The following ADCY8 variants were observed in gnomAD, a reference collection of about 807,000 sequenced individuals.
ADCY8 encodes the protein adenylate cyclase 8, also known as adenylate cyclase type 8.
In ADCY8, 51 loss-of-function variants were observed where a neutral mutation model predicts 119.7. The observed-to-expected ratio is 0.43, with a 90% CI of 0.34 to 0.54. The LOEUF (loss-of-function observed/expected upper bound fraction) is 0.54, where lower values mean the gene tolerates loss of function less well. ADCY8 is among the 20% of genes least tolerant of loss of function. The pLI is 0.03. For synonymous variants in ADCY8, 665 were observed against 651.0 expected (o/e 1.02, Z -0.33); for missense variants, 1,383 against 1,598.8 (o/e 0.87, Z 2.30).
intron 9 of ADCY8, among the ~76,000 whole-genome samples, chr8:130,859,580 A>G (rs1817859767): frequency 6.6e-6 from 1 of 152,200 alleles, no homozygotes; most frequent in South Asian, 2.1e-4. Context: ...GTTGCTTCAT[A>G]CACTTTTAAT....
chr8:130,828,325 C>A (rs1192754381), intron 12 of ADCY8, among the ~76,000 whole-genome samples: 1 of 152,188 alleles, frequency 6.6e-6, no homozygotes, highest in East Asian at 1.9e-4. Context: ...TTTTGAGGAA[C>A]AGAGGGTCCC....
chr8:131,007,298 G>A (rs1244571371), intron 1 of ADCY8, among the ~76,000 whole-genome samples: 2 of 152,148 alleles, frequency 1.3e-5, no homozygotes, highest in Non-Finnish European at 2.9e-5. Flanking sequence ...CAGACTCCCA[G>A]CACCATTTCC....
At chr8:131,000,745 C>T (rs1822918051) in intron 1 of ADCY8, among the ~76,000 whole-genome samples, 1 of 152,068 alleles carries the variant, frequency 6.6e-6, no homozygotes, top group Non-Finnish European at 1.5e-5. Flanking sequence ...CAGTTCACCC[C>T]ATCAACAAAT....
In ADCY8 at chr8:130,922,399, G is replaced by A. The variant is rs532603302; in HGVS notation, c.1482-12533C>T. On this transcript the variant is annotated intron_variant, in intron 5 of 17. Transcript: ENST00000286355. The stretch of plus-strand genomic sequence containing the variant: ...GTCCCTGGGTACTTGAGATTAGGGA[G>A]TGGTGATGACTCTTAACGAGCATGC... 3.8e-3 allele frequency among the ~76,000 whole-genome samples: 571 copies of A among 151,758 alleles called. 2 individuals carry two copies. Among genetic ancestry groups the A allele is most frequent in the Non-Finnish European group, 5.6e-3 (382 of 67,906 alleles).
At chr8:130,932,872 T>C (rs1347171481) in intron 5 of ADCY8, among the ~76,000 whole-genome samples, 1 of 152,206 alleles carries the variant, frequency 6.6e-6, no homozygotes, top group Non-Finnish European at 1.5e-5. Flanking sequence ...TTCTATCACA[T>C]GTTTGGAATG....
chr8:130,810,054 T>C (rs1013908457), intron 14 of ADCY8, among the ~76,000 whole-genome samples: 3 of 152,114 alleles, frequency 2.0e-5, no homozygotes, highest in Non-Finnish European at 4.4e-5. Context: ...CAGCTGAAGA[T>C]CAGCCATGAA....
chr8:130,885,892 G>C (rs981312599), intron 7 of ADCY8, among the ~76,000 whole-genome samples: 1 of 152,054 alleles, frequency 6.6e-6, no homozygotes, highest in Non-Finnish European at 1.5e-5. Context: ...ATAAGATTAT[G>C]GAGTCATCAA....
intron 1 of ADCY8, among the ~76,000 whole-genome samples, chr8:131,011,809 G>C (rs1019720463): frequency 7.9e-5 from 12 of 152,142 alleles, no homozygotes; most frequent in African/African-American, 2.9e-4. Context: ...CCCCCCAGAA[G>C]CTGATGCCCA....
At position 130,901,998 on chromosome 8, in the gene ADCY8, T is replaced by C. The variant is rs1819618747; in HGVS notation, c.1911+1774A>G. On this transcript the variant is annotated intron_variant, in intron 7 of 17. Transcript: ENST00000286355. ...ACAGTTTAACCACATCAATCAACTATAGAATAAAACCAAGAACCTCCACCT... is the reference window on the plus strand; with the variant it reads ...ACAGTTTAACCACATCAATCAACTACAGAATAAAACCAAGAACCTCCACCT... 2.0e-5 allele frequency among the ~76,000 whole-genome samples: 3 copies of C among 152,282 alleles called. No homozygotes were observed. The South Asian group carries it at 6.2e-4, about 32-fold the overall frequency.
chr8:130,934,200 AT>A (rs1820717795), intron 5 of ADCY8, among the ~76,000 whole-genome samples: 1 of 152,198 alleles, frequency 6.6e-6, no homozygotes, highest in East Asian at 1.9e-4. Context: ...CTGTTCTTGC[AT>A]TGCTATAAAG....
At chr8:130,987,461 T>A (rs547779852) in intron 2 of ADCY8, among the ~76,000 whole-genome samples, 83 of 151,744 alleles carry the variant, frequency 5.5e-4, no homozygotes, top group African/African-American at 1.9e-3. Flanking sequence ...TAATTCACGG[T>A]TGAACAAATT....
chr8:130,794,565 TG>T (rs1563666898), intron 15 of ADCY8, among the ~76,000 whole-genome samples: 2 of 152,210 alleles, frequency 1.3e-5, no homozygotes, highest in African/African-American at 4.8e-5. Context: ...AGACACCAAA[TG>T]TGTGGTACTT....
At chr8:130,876,889 C>A (rs1166481957) in intron 8 of ADCY8, among the ~76,000 whole-genome samples, 1 of 152,090 alleles carries the variant, frequency 6.6e-6, no homozygotes, top group African/African-American at 2.4e-5. Context: ...AGGAGAAAGA[C>A]AGGATTTTTC....
At chr8:130,947,472 T>C (rs558515037) in intron 3 of ADCY8, among the ~76,000 whole-genome samples, 4 of 152,348 alleles carry the variant, frequency 2.6e-5, no homozygotes, top group African/African-American at 9.6e-5. Context: ...TTTTTACGAA[T>C]CTGGAAGTGC....
At chr8:130,794,288 G>A (rs1815512115) in intron 15 of ADCY8, among the ~76,000 whole-genome samples, 1 of 152,116 alleles carries the variant, frequency 6.6e-6, no homozygotes, top group Non-Finnish European at 1.5e-5. Flanking sequence ...ACTGTTGCCT[G>A]GGCTGGAGTG....
intron 6 of ADCY8, 57 bp from the exon 7 acceptor site, chr8:130,904,099 A>AT: frequency 2.0e-6 from 3 of 1,535,390 alleles, no homozygotes; most frequent in Middle Eastern, 1.7e-4. Context: ...CAAAGGCTAT[A>AT]TTTTTTTGAC....
At position 130,969,324 on chromosome 8, in the gene ADCY8, T is replaced by C. The variant is rs58380996; in HGVS notation, c.1111-17326A>G. ...TTGGCTCTTTCCTCAGTTTCCAGTC[T>C]GATGGCTGTAGAATTTGAATTGCAG... On this transcript the variant is annotated intron_variant, in intron 2 of 17. Transcript: ENST00000286355. 4.7e-3 allele frequency among the ~76,000 whole-genome samples: 715 copies of C among 152,324 alleles called. 6 individuals are homozygous for C. Among genetic ancestry groups the C allele is most frequent in the African/African-American group, 0.017 (694 of 41,560 alleles).
At chr8:130,924,068 T>G (rs1820391559) in intron 5 of ADCY8, among the ~76,000 whole-genome samples, 1 of 152,236 alleles carries the variant, frequency 6.6e-6, no homozygotes, top group African/African-American at 2.4e-5. Context: ...CAGTAGCAAT[T>G]GCACAAATCT....
chr8:131,002,561 T>C (rs1029101309), intron 1 of ADCY8, among the ~76,000 whole-genome samples: 12 of 151,986 alleles, frequency 7.9e-5, no homozygotes, highest in Admixed American at 5.2e-4. Flanking sequence ...CCTTTATAAA[T>C]AGTACACACT....
Sources: allele counts gnomAD v4.1 joint callset (sites outside exome capture counted in the v4.1 genomes callset), GRCh38; gene constraint gnomAD v4.1.1; transcripts MANE v1.5; gene names NCBI Gene and HGNC (gene_info 2026-07-23, HGNC 2026-07-21).